The following CRYL1 variants were observed in gnomAD, a reference collection of about 807,000 sequenced individuals.
CRYL1 encodes the protein crystallin lambda 1, also known as lambda-crystallin homolog.
A neutral mutation model predicts 36.6 loss-of-function variants in CRYL1; 29 were observed. The observed-to-expected ratio is 0.79, with a 90% CI of 0.59 to 1.08. The LOEUF (loss-of-function observed/expected upper bound fraction) is 1.08. Ranked by LOEUF, CRYL1 falls within the 50% of genes least tolerant of loss-of-function variation. The pLI, the probability that CRYL1 is intolerant of heterozygous loss-of-function variation, is 0.00. For missense variants in CRYL1, 411 were observed against 407.9 expected, an observed-to-expected ratio of 1.01 and a Z score of -0.06; for synonymous variants, 152 against 151.5, an observed-to-expected ratio of 1.00 and a Z score of -0.02.
At chr13:20,510,399 T>A (rs1235310583) in intron 2 of CRYL1, among the ~76,000 whole-genome samples, 1 of 152,190 alleles carries the variant, frequency 6.6e-6, no homozygotes, top group East Asian at 1.9e-4. Flanking sequence ...CTGCAAAGCC[T>A]ACATACTGTA....
intron 1 of CRYL1, among the ~76,000 whole-genome samples, chr13:20,513,946 G>C (rs1207724184): frequency 6.7e-6 from 1 of 149,330 alleles, no homozygotes; most frequent in Non-Finnish European, 1.5e-5. Flanking sequence ...GATGGGGCAT[G>C]TCAAAGGGAT....
chr13:20,468,762 T>C (rs893466516), intron 3 of CRYL1, among the ~76,000 whole-genome samples: 12 of 152,184 alleles, frequency 7.9e-5, no homozygotes, highest in African/African-American at 2.9e-4. Flanking sequence ...TATACCGCCA[T>C]GCCTGGCTAA....
intron 3 of CRYL1, among the ~76,000 whole-genome samples, chr13:20,470,419 G>A (rs2033029363): frequency 6.6e-6 from 1 of 152,226 alleles, no homozygotes; most frequent in South Asian, 2.1e-4. Flanking sequence ...CCTCAAAGGC[G>A]CTGAGCTGGA....
chr13:20,423,770 C>CT (rs1158080893), intron 5 of CRYL1, among the ~76,000 whole-genome samples: 24,333 of 100,120 alleles, frequency 0.24, 3,963 homozygotes, highest in African/African-American at 0.37. Context: ...GGTGTGGGTT[C>CT]TTTTTTTTTT....
At chr13:20,430,311 T>C (rs2032030613) in intron 5 of CRYL1, 1 of 985,324 alleles carries the variant, frequency 1.0e-6, no homozygotes, top group Admixed American at 6.1e-5. Context: ...CCTGCTAGAT[T>C]TTGGCACTCA....
chr13:20,435,693 G>A lies in CRYL1; in HGVS notation c.439-3397C>T, dbSNP rs1298643603. ...GTTCGACAGATACAACGGCAGCGCA[G>A]CGCAGGGGCCTGGGCCTGCGCAGGC... On this transcript the variant is annotated intron_variant, in intron 4 of 7. Coordinates refer to ENST00000298248, the MANE Select transcript of CRYL1 (RefSeq NM_015974.3). This position sits in a 1 kb window ranked among gnomAD's most constrained non-coding sequence, Gnocchi z 4.0. Among the ~76,000 whole-genome samples the A allele has an allele frequency of 1.3e-5, 2 of 152,088 alleles. No homozygotes were observed. Among genetic ancestry groups the A allele is most frequent in the African/African-American group, 2.4e-5 (1 of 41,416 alleles).
At chr13:20,404,860 C>T (rs902511671) in intron 6 of CRYL1, 119 bp from the exon 7 acceptor site, 1 of 716,204 alleles carries the variant, frequency 1.4e-6, no homozygotes, top group Non-Finnish European at 2.4e-6. Context: ...ACACTCTTCC[C>T]TCCCTGTGAA....
intron 2 of CRYL1, among the ~76,000 whole-genome samples, chr13:20,496,948 T>C (rs898844265): frequency 4.6e-5 from 7 of 150,868 alleles, no homozygotes. Context: ...CATGCAAAAG[T>C]AGTCAGGTAA....
chr13:20,515,127 T>C (rs943574817), intron 1 of CRYL1, among the ~76,000 whole-genome samples: 1 of 152,154 alleles, frequency 6.6e-6, no homozygotes, highest in African/African-American at 2.4e-5. Flanking sequence ...TTATAAAATG[T>C]CCGGAATAGA....
intron 5 of CRYL1, chr13:20,430,425 G>A (rs779825670): frequency 3.0e-6 from 3 of 985,224 alleles, no homozygotes; most frequent in African/African-American, 1.7e-5. Context: ...AAAGCCAGGA[G>A]TAAGAATGTT....
At chr13:20,462,913 G>A (rs887044930) in intron 3 of CRYL1, among the ~76,000 whole-genome samples, 2 of 152,108 alleles carry the variant, frequency 1.3e-5, no homozygotes, top group African/African-American at 4.8e-5. Context: ...GTATCTCCCA[G>A]CAATCCAAAC....
chr13:20,483,978 G>A lies in CRYL1; in HGVS notation c.276+5392C>T, dbSNP rs142720894. Among the ~76,000 whole-genome samples, 40 of 152,186 alleles carry A rather than the reference G, an allele frequency of 2.6e-4. No homozygotes were observed. The East Asian group carries it at 6.8e-3, about 26-fold the overall frequency. Reference sequence around the variant, plus strand: ...ACTACAGGTGCCCACCACCACACCTGGCTAATTTTTTGTATTTTTAGTAGA... The same window carrying A: ...ACTACAGGTGCCCACCACCACACCTAGCTAATTTTTTGTATTTTTAGTAGA... On this transcript the variant is annotated intron_variant, in intron 3 of 7. Transcript: ENST00000298248.
intron 5 of CRYL1, among the ~76,000 whole-genome samples, chr13:20,413,824 T>G (rs1410317244): frequency 6.6e-6 from 1 of 152,202 alleles, no homozygotes; most frequent in Non-Finnish European, 1.5e-5. Flanking sequence ...ATTAGGGATG[T>G]TCAACCTATG....
intron 2 of CRYL1, among the ~76,000 whole-genome samples, chr13:20,499,254 G>A (rs536169413): frequency 2.6e-5 from 4 of 151,602 alleles, no homozygotes; most frequent in Admixed American, 2.0e-4. Context: ...GCTGAGGTTA[G>A]AGGATTGCTT....
At chr13:20,524,271 CTG>C (rs893030114) in intron 1 of CRYL1, among the ~76,000 whole-genome samples, 53 of 152,286 alleles carry the variant, frequency 3.5e-4, no homozygotes, top group African/African-American at 1.1e-3. Context: ...CGTGTAAAAA[CTG>C]TGTGTGTATA....
chr13:20,430,216 C>T, intron 5 of CRYL1: 10 of 984,642 alleles, frequency 1.0e-5, no homozygotes, highest in Non-Finnish European at 1.2e-5. Context: ...TCTAGACTTT[C>T]ACCAAGGTAA....
chr13:20,482,367 C>T (rs1450469154), intron 3 of CRYL1, among the ~76,000 whole-genome samples: 1 of 152,218 alleles, frequency 6.6e-6, no homozygotes, highest in Non-Finnish European at 1.5e-5. Flanking sequence ...ACTGTGATCT[C>T]CGGTTTTAAG....
chr13:20,426,388 C>T (rs376494166), intron 5 of CRYL1, among the ~76,000 whole-genome samples: 4 of 151,888 alleles, frequency 2.6e-5, no homozygotes, highest in Non-Finnish European at 4.4e-5. Flanking sequence ...GGACTGTAGA[C>T]GTGTGCCACC....
Position 20,523,719 on chromosome 13 carries a change from G to T in CRYL1, c.41+2035C>A, listed in dbSNP as rs533677358. Reference sequence around the variant, plus strand: ...GTGTGCTGAAGTGCTGAGGGTGGGGGAAAGACAAGATTTTCACACCAGAAA... The same window carrying T: ...GTGTGCTGAAGTGCTGAGGGTGGGGTAAAGACAAGATTTTCACACCAGAAA... On this transcript the variant is annotated intron_variant, in intron 1 of 7. Coordinates refer to ENST00000298248, the MANE Select transcript of CRYL1 (RefSeq NM_015974.3). Among the ~76,000 whole-genome samples, 16 of 152,136 alleles carry T rather than the reference G, an allele frequency of 1.1e-4. No homozygotes were observed. In the South Asian group the frequency reaches 3.3e-3, roughly 32 times the overall value.
Sources: allele counts gnomAD v4.1 joint callset (sites outside exome capture counted in the v4.1 genomes callset), GRCh38; gene constraint gnomAD v4.1.1; non-coding constraint Gnocchi (gnomAD v3.1); transcripts MANE v1.5; gene names NCBI Gene and HGNC (gene_info 2026-07-23, HGNC 2026-07-21).